Variants in TBL1X observed in about 807,000 individuals in gnomAD.
TBL1X encodes F-box-like/WD repeat-containing protein TBL1X.
A neutral mutation model predicts 50.7 loss-of-function variants in TBL1X; 10 were observed. The observed-to-expected ratio is 0.20, with a 90% CI of 0.12 to 0.33. TBL1X has a LOEUF of 0.33. Ranked by LOEUF, TBL1X falls within the 10% of genes least tolerant of loss-of-function variation. The probability of loss-of-function intolerance (pLI) is 1.00; values close to 1 mark genes in which losing one functional copy is unlikely to be tolerated. For missense variants in TBL1X, 340 were observed against 504.4 expected (o/e 0.67, Z 3.12); for synonymous variants, 190 against 214.7 (o/e 0.88, Z 1.01).
Position 9,687,775 on chromosome X carries a change from A to T in TBL1X, c.358-242A>T, listed in dbSNP as rs140900195. On this transcript the variant is annotated intron_variant, in intron 6 of 17. Transcript: ENST00000645353. Reference sequence around the variant, plus strand: ...CCTCAATGCCCCAATTGGGTTTGACACTCAGAACAACCATCACACTTAGTT... The same window carrying T: ...CCTCAATGCCCCAATTGGGTTTGACTCTCAGAACAACCATCACACTTAGTT... Among the ~76,000 whole-genome samples, 23 of 107,824 alleles carry T rather than the reference A, an allele frequency of 2.1e-4. No homozygotes were observed. In the East Asian group the frequency reaches 6.1e-3, roughly 29 times the overall value. 93.6% of individuals were successfully genotyped at this position (107,824 alleles called of 115,157 possible).
At chrX:9,709,824 A>G (rs2083234141) in intron 15 of TBL1X, 64 bp downstream of exon 15, 2 of 1,171,795 alleles carry the variant, frequency 1.7e-6, no homozygotes, top group Middle Eastern at 2.4e-4. Context: ...AAATTCTGCT[A>G]AAGCGCGTCC....
At chrX:9,654,469 T>C in intron 5 of TBL1X, 147 bp downstream of exon 5, 1 of 626,844 alleles carries the variant, frequency 1.6e-6, no homozygotes, top group East Asian at 3.5e-5. Flanking sequence ...AAGAGAAGGT[T>C]CTGGAGCTGT....
intron 2 of TBL1X, among the ~76,000 whole-genome samples, chrX:9,609,938 C>T (rs781373173): frequency 8.9e-6 from 1 of 112,712 alleles, no homozygotes; most frequent in South Asian, 3.6e-4. Context: ...ATTGCACTTT[C>T]TGAGTTTCTC....
chrX:9,634,052 A>G (rs1223382428), intron 2 of TBL1X, among the ~76,000 whole-genome samples: 1 of 111,942 alleles, frequency 8.9e-6, no homozygotes, highest in Non-Finnish European at 1.9e-5. Context: ...GGCCTGGGAT[A>G]TGTCAGTGAA....
chrX:9,612,828 G>A (rs893469929), intron 2 of TBL1X, among the ~76,000 whole-genome samples: 20 of 110,580 alleles, frequency 1.8e-4, no homozygotes, highest in Non-Finnish European at 3.4e-4. Context: ...CACTTACTAT[G>A]TAACCGCAAA....
At chrX:9,630,822 C>T (rs990199359) in intron 2 of TBL1X, among the ~76,000 whole-genome samples, 1 of 111,947 alleles carries the variant, frequency 8.9e-6, no homozygotes, top group African/African-American at 3.2e-5. Context: ...TCAGTCCTCT[C>T]GCCTTGGCCT....
intron 2 of TBL1X, among the ~76,000 whole-genome samples, chrX:9,581,262 G>C (rs2082440097): frequency 8.9e-6 from 1 of 112,006 alleles, no homozygotes; most frequent in Non-Finnish European, 1.9e-5. Context: ...GGCCATCTGA[G>C]TTCATTAAAC....
chrX:9,541,475 G>C (rs1306051192), intron 2 of TBL1X, among the ~76,000 whole-genome samples: 2 of 112,456 alleles, frequency 1.8e-5, no homozygotes, highest in Non-Finnish European at 3.8e-5. Flanking sequence ...GGGCAAGGAG[G>C]CTTGTCGTGC....
intron 5 of TBL1X, among the ~76,000 whole-genome samples, chrX:9,676,336 G>A (rs772491782): frequency 3.6e-5 from 4 of 111,848 alleles, no homozygotes; most frequent in African/African-American, 1.3e-4. Context: ...GCCGAGGCCC[G>A]TCCAAGGTTG....
At chrX:9,473,205 G>A (rs960529027) in intron 1 of TBL1X, among the ~76,000 whole-genome samples, 5 of 111,623 alleles carry the variant, frequency 4.5e-5, no homozygotes, top group Admixed American at 1.9e-4. Context: ...TCCCGAAAGC[G>A]TAGAGAATTG....
At position 9,671,579 on chromosome X, in the gene TBL1X, G is replaced by T. The variant is rs755229099; in HGVS notation, c.212-12464G>T. 5.7e-4 allele frequency among the ~76,000 whole-genome samples: 65 copies of T among 113,090 alleles called. 1 individual carries two copies. Among genetic ancestry groups the T allele is most frequent in the Non-Finnish European group, 9.4e-5 (5 of 53,403 alleles). ...AACTAATTTCTAAGAATGTGTAGGA[G>T]TGGGTAAGTAGCTGGAGAACGTGAT... On this transcript the variant is annotated intron_variant, in intron 5 of 17. Coordinates refer to ENST00000645353, the MANE Select transcript of TBL1X (RefSeq NM_005647.4).
At chrX:9,589,990 T>C (rs2082490963) in intron 2 of TBL1X, among the ~76,000 whole-genome samples, 1 of 111,619 alleles carries the variant, frequency 9.0e-6, no homozygotes, top group African/African-American at 3.3e-5. Context: ...CAAAAATGCG[T>C]AAGAGTCTAA....
intron 2 of TBL1X, among the ~76,000 whole-genome samples, chrX:9,542,148 C>A (rs752195402): frequency 5.4e-5 from 6 of 110,683 alleles, no homozygotes; most frequent in Admixed American, 9.6e-5. Context: ...CCTGTAATTG[C>A]ATTTGATGGA....
chrX:9,709,455 G>A (rs2083230855), intron 14 of TBL1X, 133 bp downstream of exon 14: 1 of 970,797 alleles, frequency 1.0e-6, no homozygotes, highest in Non-Finnish European at 1.4e-6. Context: ...CATCCGGTGA[G>A]CTACGATTTC....
chrX:9,581,692 G>A (rs369815008), intron 2 of TBL1X, among the ~76,000 whole-genome samples: 2 of 112,062 alleles, frequency 1.8e-5, no homozygotes, highest in Non-Finnish European at 3.8e-5. Context: ...GCTTAGTGCT[G>A]CGAGAAGGTT....
intron 2 of TBL1X, among the ~76,000 whole-genome samples, chrX:9,625,827 T>A (rs1308931378): frequency 8.9e-6 from 1 of 111,955 alleles, no homozygotes; most frequent in Non-Finnish European, 1.9e-5. Flanking sequence ...TAATCCCAGC[T>A]ACTCGGGAGG....
chrX:9,469,152 C>T (rs1330352961), intron 1 of TBL1X, among the ~76,000 whole-genome samples: 1 of 99,849 alleles, frequency 1.0e-5, no homozygotes, highest in Non-Finnish European at 2.1e-5. Flanking sequence ...TGCTTGGAGC[C>T]TAACATGCCT....
chrX:9,491,639 A>G (rs1246676577), intron 1 of TBL1X, among the ~76,000 whole-genome samples: 1 of 110,408 alleles, frequency 9.1e-6, no homozygotes, highest in African/African-American at 3.3e-5. Context: ...CTCTGTGGTT[A>G]AAGACTCATT....
chrX:9,553,287 G>C (rs756731601), intron 2 of TBL1X, among the ~76,000 whole-genome samples: 45 of 112,301 alleles, frequency 4.0e-4, no homozygotes, highest in African/African-American at 1.3e-3. Flanking sequence ...GATGGGCGCA[G>C]AGGCCCCAGT....
Sources: gnomAD v4.1 joint callset for allele counts (sites outside exome capture counted in the v4.1 genomes callset) on GRCh38, gnomAD v4.1.1 for gene constraint, MANE v1.5 for transcripts, NCBI Gene and HGNC (gene_info 2026-07-23, HGNC 2026-07-21) for gene names.